CCDC60: variants seen among roughly 807,000 people sequenced by gnomAD.
The protein encoded by CCDC60 is coiled-coil domain containing 60.
CCDC60 carries 54 observed loss-of-function variants against 63.5 expected under a neutral mutation model. The ratio of observed to expected loss-of-function variants is 0.85; its 90% confidence interval spans 0.68 to 1.07. CCDC60 has a LOEUF of 1.07. Ranked by LOEUF, CCDC60 falls within the 50% of genes least tolerant of loss-of-function variation. The pLI, the probability that CCDC60 is intolerant of heterozygous loss-of-function variation, is 0.00. For missense variants in CCDC60, 651 were observed against 684.3 expected, an observed-to-expected ratio of 0.95 and a Z score of 0.54; for synonymous variants, 206 against 238.8, an observed-to-expected ratio of 0.86 and a Z score of 1.27.
chr12:119,360,584 C>CG (rs1565970313), intron 1 of CCDC60, among the ~76,000 whole-genome samples: 1 of 151,612 alleles, frequency 6.6e-6, no homozygotes, highest in Admixed American at 6.6e-5. Flanking sequence ...GGGTGGCGGC[C>CG]GGGCAGAGGC....
chr12:119,515,791 G>A (rs1952338328), intron 7 of CCDC60, among the ~76,000 whole-genome samples: 1 of 152,208 alleles, frequency 6.6e-6, no homozygotes, highest in African/African-American at 2.4e-5. Flanking sequence ...AGGGAAGCTG[G>A]AGGTCTGGAT....
At chr12:119,426,873 T>C (rs1311071802) in intron 1 of CCDC60, among the ~76,000 whole-genome samples, 1 of 152,300 alleles carries the variant, frequency 6.6e-6, no homozygotes, top group East Asian at 1.9e-4. Flanking sequence ...TCATTCAACT[T>C]TGAAACAACA....
chr12:119,466,651 A>G (rs1445484046), intron 2 of CCDC60, among the ~76,000 whole-genome samples: 1 of 152,122 alleles, frequency 6.6e-6, no homozygotes, highest in Admixed American at 6.5e-5. Flanking sequence ...ATCATCTCCA[A>G]ATGTGGAACC....
intron 1 of CCDC60, among the ~76,000 whole-genome samples, chr12:119,336,282 G>C (rs997706395): frequency 6.6e-6 from 1 of 152,136 alleles, no homozygotes; most frequent in African/African-American, 2.4e-5. Flanking sequence ...ACCAACAAGG[G>C]AGAGGGAGAG....
intron 1 of CCDC60, among the ~76,000 whole-genome samples, chr12:119,349,399 G>A (rs1565965718): frequency 1.4e-5 from 2 of 141,384 alleles, no homozygotes; most frequent in East Asian, 4.2e-4. Context: ...AGGCTAGAGT[G>A]CAGTGGCACA....
intron 11 of CCDC60, among the ~76,000 whole-genome samples, chr12:119,527,691 T>TTA (rs1555256699): frequency 2.2e-5 from 3 of 137,232 alleles, no homozygotes; most frequent in Non-Finnish European, 4.8e-5. Context: ...TTTTTTTTTT[T>TTA]ATTGAGATGG....
At chr12:119,401,540 G>T (rs2136223777) in intron 1 of CCDC60, among the ~76,000 whole-genome samples, 1 of 152,344 alleles carries the variant, frequency 6.6e-6, no homozygotes, top group African/African-American at 2.4e-5. Context: ...TTCAAGACAA[G>T]GGCATTGAGC....
chr12:119,339,541 T>C (rs1190374383), intron 1 of CCDC60, among the ~76,000 whole-genome samples: 1 of 84,488 alleles, frequency 1.2e-5, no homozygotes, highest in African/African-American at 3.5e-5. Context: ...TCTGAACACT[T>C]TGGGGGGGGC....
intron 13 of CCDC60, among the ~76,000 whole-genome samples, chr12:119,532,147 T>A (rs1952860988): frequency 6.6e-6 from 1 of 152,124 alleles, no homozygotes; most frequent in African/African-American, 2.4e-5. Flanking sequence ...CTACTCCCCA[T>A]GACCCGTGAG....
Position 119,410,852 on chromosome 12 carries a change from C to T in CCDC60, c.91-17831C>T, listed in dbSNP as rs1295177561. Among the ~76,000 whole-genome samples, 2 of 152,202 alleles carry T rather than the reference C, an allele frequency of 1.3e-5. No individual in the cohort carries two copies. The highest frequency in any genetic ancestry group is 4.8e-5 in the African/African-American group (2 of 41,454). ...CTGCCTCCCCAGCTCAAGCAATTCTCCTGCCTCAGCCTTCTGAGTAGCTGG... is the reference window on the plus strand; with the variant it reads ...CTGCCTCCCCAGCTCAAGCAATTCTTCTGCCTCAGCCTTCTGAGTAGCTGG... On this transcript the variant is annotated intron_variant, in intron 1 of 13. Coordinates refer to ENST00000327554, the MANE Select transcript of CCDC60 (RefSeq NM_178499.5). This position sits in a 1 kb window ranked among gnomAD's most constrained non-coding sequence, Gnocchi z 4.0.
Position 119,528,766 on chromosome 12 carries a change from G to T in CCDC60, c.1361+20G>T. The T allele has an allele frequency of 1.2e-6, 2 of 1,609,174 alleles. No individual in the cohort carries two copies. The highest frequency in any genetic ancestry group is 1.7e-6 in the Non-Finnish European group (2 of 1,177,282). ...CCACTGGTAAATATCCTAAGAACCA[G>T]ATAAGATGGTCCCTGGAAGAGAACA... On this transcript the variant is annotated intron_variant, in intron 12 of 13. Coordinates refer to ENST00000327554, the MANE Select transcript of CCDC60 (RefSeq NM_178499.5).
intron 7 of CCDC60, among the ~76,000 whole-genome samples, chr12:119,511,025 A>C (rs1952203377): frequency 6.6e-6 from 1 of 152,226 alleles, no homozygotes; most frequent in Non-Finnish European, 1.5e-5. Context: ...TGAGCTCCCC[A>C]CAAGTGTGCA....
At chr12:119,437,800 T>G (rs192453593) in intron 2 of CCDC60, among the ~76,000 whole-genome samples, 1 of 152,308 alleles carries the variant, frequency 6.6e-6, no homozygotes, top group African/African-American at 2.4e-5. Context: ...TTGTTTAAGA[T>G]CATGGATTTA....
intron 4 of CCDC60, among the ~76,000 whole-genome samples, chr12:119,481,454 T>A (rs757370331): frequency 2.0e-5 from 3 of 152,100 alleles, no homozygotes; most frequent in Non-Finnish European, 4.4e-5. Context: ...CTGAGCCCAA[T>A]CCACAATTTA....
At chr12:119,482,633 G>C (rs1367126679) in intron 4 of CCDC60, among the ~76,000 whole-genome samples, 2 of 152,188 alleles carry the variant, frequency 1.3e-5, no homozygotes, top group Admixed American at 1.3e-4. Flanking sequence ...CAAAGGCTCT[G>C]GCTGCATTTG....
intron 2 of CCDC60, among the ~76,000 whole-genome samples, chr12:119,438,694 C>G (rs1216477109): frequency 2.6e-5 from 4 of 152,128 alleles, no homozygotes; most frequent in African/African-American, 9.7e-5. Flanking sequence ...TTTATGCTAG[C>G]TGTCTTGAAA....
In CCDC60 at chr12:119,451,952, C is replaced by T. The variant is rs528392510; in HGVS notation, c.171-20042C>T. Among the ~76,000 whole-genome samples, 4 of 152,224 alleles carry T rather than the reference C, an allele frequency of 2.6e-5. No homozygotes were observed. The South Asian group carries it at 8.3e-4, about 32-fold the overall frequency. On this transcript the variant is annotated intron_variant, in intron 2 of 13. Coordinates refer to ENST00000327554, the MANE Select transcript of CCDC60 (RefSeq NM_178499.5). ...CAAGAGATCAAATTACCAACATCAT[C>T]TTTTCTTCTTCACTGAATCAACTAG...
intron 1 of CCDC60, among the ~76,000 whole-genome samples, chr12:119,398,056 A>G (rs1328505470): frequency 2.1e-4 from 6 of 28,786 alleles, no homozygotes; most frequent in Admixed American, 6.2e-4. Flanking sequence ...GGGGGGAGGA[A>G]GGGGGTGGGG....
intron 1 of CCDC60, among the ~76,000 whole-genome samples, chr12:119,377,856 T>A (rs1276982691): frequency 6.6e-6 from 1 of 152,132 alleles, no homozygotes; most frequent in Non-Finnish European, 1.5e-5. Context: ...GGCATCGTTG[T>A]CTGGGGTAAA....
Sources: allele counts gnomAD v4.1 joint callset (sites outside exome capture counted in the v4.1 genomes callset), GRCh38; gene constraint gnomAD v4.1.1; non-coding constraint Gnocchi (gnomAD v3.1); transcripts MANE v1.5; gene names NCBI Gene and HGNC (gene_info 2026-07-23, HGNC 2026-07-21).